The following FER variants were observed in gnomAD, a reference collection of about 807,000 sequenced individuals.
The protein encoded by FER is tyrosine-protein kinase Fer.
In FER, 63 loss-of-function variants were observed where a neutral mutation model predicts 111.0. The observed-to-expected ratio is 0.57, with a 90% CI of 0.46 to 0.70. The LOEUF (loss-of-function observed/expected upper bound fraction) is 0.70. Ranked by LOEUF, FER falls within the 30% of genes least tolerant of loss-of-function variation. FER has a pLI of 0.00. For synonymous variants in FER, 327 were observed against 313.9 expected (o/e 1.04, Z -0.44); for missense variants, 914 against 954.0 (o/e 0.96, Z 0.55).
chr5:109,190,339 T>C lies in FER; in HGVS notation c.*2764T>C, dbSNP rs1461889794. 4.0e-5 allele frequency: 6 copies of C among 151,788 alleles called. No homozygotes were observed. Among genetic ancestry groups the C allele is most frequent in the Admixed American group, 6.6e-5 (1 of 15,230 alleles). The allele number at this position is 151,788 out of a possible 1,614,324, so 9.4% of individuals were successfully genotyped here. ...TGTAATTAGTCCAGTCACAAATCTT[T>C]GTGTTGTTAATGGATTATTCAAGAT... On this transcript the variant is annotated 3_prime_UTR_variant, in exon 20 of 20. Coordinates refer to ENST00000281092, the MANE Select transcript of FER (RefSeq NM_005246.4).
chr5:109,187,108 T>C (rs943455235), intron 19 of FER, among the ~76,000 whole-genome samples: 5 of 152,232 alleles, frequency 3.3e-5, no homozygotes, highest in Admixed American at 6.5e-5. Context: ...ACACAGATGA[T>C]TTTTTAAAAC....
chr5:109,016,579 T>G (rs72790529), intron 13 of FER, among the ~76,000 whole-genome samples: 17,845 of 152,078 alleles, frequency 0.12, 1,105 homozygotes, highest in Non-Finnish European at 0.14. Context: ...CTCTTATCAC[T>G]GATAAAGCCA....
At chr5:109,153,797 A>G (rs1755096090) in intron 17 of FER, among the ~76,000 whole-genome samples, 2 of 151,844 alleles carry the variant, frequency 1.3e-5, no homozygotes, top group Non-Finnish European at 3.0e-5. Context: ...CCCAGGCTCT[A>G]GAGTCCTTGT....
rs757418520 is a variant in FER, at chr5:109,151,925, T to C, written c.2049-28822T>C. Among the ~76,000 whole-genome samples, 190 of 152,282 alleles carry C rather than the reference T, an allele frequency of 1.2e-3. 1 individual carries two copies. The highest frequency in any genetic ancestry group is 2.7e-3 in the South Asian group (13 of 4,830). ...ACAAAGATGCATCTTTATAGAGTTATGGTTTACTGTCATGCCTCCTGTTCT... is the reference window on the plus strand; with the variant it reads ...ACAAAGATGCATCTTTATAGAGTTACGGTTTACTGTCATGCCTCCTGTTCT... On this transcript the variant is annotated intron_variant, in intron 17 of 19. Coordinates refer to ENST00000281092, the MANE Select transcript of FER (RefSeq NM_005246.4).
intron 17 of FER, among the ~76,000 whole-genome samples, chr5:109,102,245 A>G (rs774907496): frequency 6.6e-6 from 1 of 152,048 alleles, no homozygotes; most frequent in Non-Finnish European, 1.5e-5. Flanking sequence ...TGCCTTCACA[A>G]ATTTTTGAAA....
intron 17 of FER, among the ~76,000 whole-genome samples, chr5:109,118,982 G>A (rs1750622929): frequency 6.9e-6 from 1 of 144,726 alleles, no homozygotes; most frequent in Non-Finnish European, 1.5e-5. Flanking sequence ...TGATTTTTTT[G>A]AAGGGTTTTT....
intron 13 of FER, among the ~76,000 whole-genome samples, chr5:108,984,823 AC>A (rs965222426): frequency 6.6e-6 from 1 of 152,134 alleles, no homozygotes; most frequent in African/African-American, 2.4e-5. Flanking sequence ...AACAGTTTAG[AC>A]ATTGCTTTTC....
chr5:108,835,967 C>T, intron 5 of FER, 160 bp downstream of exon 5: 1 of 403,534 alleles, frequency 2.5e-6, no homozygotes, highest in Non-Finnish European at 4.5e-6. Context: ...TGTAGTAAGT[C>T]TTACTAATTT....
At chr5:108,857,515 A>G (rs958729493) in intron 5 of FER, among the ~76,000 whole-genome samples, 1 of 152,174 alleles carries the variant, frequency 6.6e-6, no homozygotes, top group East Asian at 1.9e-4. Context: ...CTTTTTGTTA[A>G]TAAGTATTGT....
At chr5:108,997,416 CA>C (rs552848111) in intron 13 of FER, among the ~76,000 whole-genome samples, 48,484 of 107,840 alleles carry the variant, frequency 0.45, 8,602 homozygotes, top group Middle Eastern at 0.59. Flanking sequence ...GACCCTGTCT[CA>C]AAAAAAAAAA....
chr5:109,140,612 G>T (rs1753422720), intron 17 of FER, among the ~76,000 whole-genome samples: 1 of 152,164 alleles, frequency 6.6e-6, no homozygotes, highest in African/African-American at 2.4e-5. Context: ...CTGTTAAAAT[G>T]ATTTCAGTGT....
intron 3 of FER, among the ~76,000 whole-genome samples, chr5:108,822,359 G>C (rs751874496): frequency 2.0e-5 from 3 of 152,112 alleles, no homozygotes; most frequent in Non-Finnish European, 4.4e-5. Flanking sequence ...CCTGATATTG[G>C]GCATTTTATA....
At chr5:108,865,193 C>T (rs868841465) in intron 5 of FER, among the ~76,000 whole-genome samples, 1 of 152,068 alleles carries the variant, frequency 6.6e-6, no homozygotes, top group Non-Finnish European at 1.5e-5. Flanking sequence ...GTGATTTTTG[C>T]ACATTGATTT....
chr5:108,831,164 G>T (rs1173612226), intron 3 of FER, among the ~76,000 whole-genome samples: 1 of 152,074 alleles, frequency 6.6e-6, no homozygotes, highest in Non-Finnish European at 1.5e-5. Flanking sequence ...TAGGCTGCAA[G>T]GACTGCTACA....
chr5:108,826,638 C>T (rs955350452), intron 3 of FER, among the ~76,000 whole-genome samples: 19 of 152,212 alleles, frequency 1.2e-4, no homozygotes, highest in Admixed American at 1.0e-3. Flanking sequence ...GTGTTCCCTC[C>T]TTTTCAGTTT....
At chr5:108,882,555 T>C (rs1388077561) in intron 8 of FER, among the ~76,000 whole-genome samples, 1 of 152,018 alleles carries the variant, frequency 6.6e-6, no homozygotes, top group Non-Finnish European at 1.5e-5. Flanking sequence ...TCTAAGAGTT[T>C]TTCTGCACGA....
chr5:108,752,412 C>G (rs1249250137), intron 1 of FER, among the ~76,000 whole-genome samples: 1 of 151,990 alleles, frequency 6.6e-6, no homozygotes, highest in Admixed American at 6.6e-5. Flanking sequence ...TTATGGTTTT[C>G]ATTTCAGTGT....
chr5:108,993,480 A>G (rs1320095051), intron 13 of FER, among the ~76,000 whole-genome samples: 1 of 152,148 alleles, frequency 6.6e-6, no homozygotes, highest in Non-Finnish European at 1.5e-5. Flanking sequence ...GTGAGCCGAG[A>G]TGGCAGCAGT....
chr5:108,799,011 A>G (rs1013664394), intron 3 of FER, among the ~76,000 whole-genome samples: 19 of 152,102 alleles, frequency 1.2e-4, no homozygotes, highest in African/African-American at 4.6e-4. Flanking sequence ...CTTTTGCACA[A>G]ACTTTAGTTA....
Sources: allele counts gnomAD v4.1 joint callset (sites outside exome capture counted in the v4.1 genomes callset), GRCh38; gene constraint gnomAD v4.1.1; transcripts MANE v1.5; gene names NCBI Gene and HGNC (gene_info 2026-07-23, HGNC 2026-07-21).